Variants in ZBTB7B observed in about 807,000 individuals in gnomAD.
ZBTB7B encodes the protein zinc finger and BTB domain-containing protein 7B.
A neutral mutation model predicts 31.0 loss-of-function variants in ZBTB7B; 8 were observed. The observed-to-expected ratio is 0.26, with a 90% confidence interval of 0.15 to 0.47. The LOEUF is 0.47. Among genes scored for constraint, ZBTB7B ranks in the 20% least tolerant of loss-of-function variants. The pLI, the probability that ZBTB7B is intolerant of heterozygous loss-of-function variation, is 0.99. For missense variants in ZBTB7B, 494 were observed against 742.4 expected (o/e 0.67, Z 3.89); for synonymous variants, 261 against 307.3 (o/e 0.85, Z 1.58).
In ZBTB7B at chr1:155,003,893, G is replaced by GGGGC. The variant is rs1658398207; in HGVS notation, c.-7+954_-7+957dup. Reference sequence around the variant, plus strand: ...GACGTGTCCCGGCCAGAGCGAGGTGGGGGCGGGAGTGGGGGGGCGGCGTGG... The same window carrying GGGGC: ...GACGTGTCCCGGCCAGAGCGAGGTGGGGGCGGGCGGGAGTGGGGGGGCGGCGTGG... On this transcript the variant is annotated intron_variant, in intron 1 of 2. Transcript: ENST00000535420. This position sits in a 1 kb window ranked among gnomAD's most constrained non-coding sequence, Gnocchi z 5.8. Among the ~76,000 whole-genome samples, 1 of 152,184 alleles carries GGGGC rather than the reference G, an allele frequency of 6.6e-6. No individual in the cohort carries two copies. The highest frequency in any genetic ancestry group is 6.5e-5 in the Admixed American group (1 of 15,280).
chr1:155,002,640 G>A (rs1467310435), upstream of ZBTB7B: 6 of 108,132 alleles, frequency 5.5e-5, no homozygotes, highest in African/African-American at 2.2e-4. Flanking sequence ...AGGGAGGGGA[G>A]GGATGGGGGG....
intron 1 of ZBTB7B, among the ~76,000 whole-genome samples, chr1:155,013,438 A>C (rs1256662719): frequency 6.6e-6 from 1 of 152,202 alleles, no homozygotes; most frequent in Non-Finnish European, 1.5e-5. Context: ...AGCTGAGGAA[A>C]TGGAAGCACA....
rs966475107 is a variant in ZBTB7B, at chr1:155,018,292, C to T, written c.*1607C>T. Reference sequence around the variant, plus strand: ...TGGGGTGGCGGGGAGATCGGGTTGTCCTGGGCCTCATCTTAGCATTTCAGG... The same window carrying T: ...TGGGGTGGCGGGGAGATCGGGTTGTTCTGGGCCTCATCTTAGCATTTCAGG... On this transcript the variant is annotated 3_prime_UTR_variant, in exon 3 of 3. Coordinates refer to ENST00000535420, the MANE Select transcript of ZBTB7B (RefSeq NM_001256455.2). 1.8e-6 allele frequency: 1 copy of T among 544,772 alleles called. No homozygotes were observed. The highest frequency in any genetic ancestry group is 1.9e-5 in the African/African-American group (1 of 52,858). 33.7% of individuals were successfully genotyped at this position (544,772 alleles called of 1,614,324 possible). A position where few individuals can be genotyped will look rare whatever the true frequency, so the allele number is the denominator to read the frequency against.
Position 155,014,735 on chromosome 1 carries a change from T to C in ZBTB7B, c.75T>C (p.Asn25=), listed in dbSNP as rs1159224420. The C allele has an allele frequency of 6.2e-7, 1 of 1,614,086 alleles. No homozygotes were observed. The highest frequency in any genetic ancestry group is 1.7e-5 in the Admixed American group (1 of 60,012). The change falls in exon 2 of 3, where the codon AAT becomes AAC. Residue 25 remains asparagine, a synonymous_variant. Coordinates refer to ENST00000535420, the MANE Select transcript of ZBTB7B (RefSeq NM_001256455.2). ...DHSSELLSCL[N]EQRQLGHLCD... is the part of the protein sequence containing the mutation. Reference sequence around the variant, plus strand: ...GCAGTGAGCTCCTGAGCTGCCTCAATGAGCAGCGCCAGCTGGGCCACCTAT... The same window carrying C: ...GCAGTGAGCTCCTGAGCTGCCTCAACGAGCAGCGCCAGCTGGGCCACCTAT...
chr1:155,015,475 C>A lies in ZBTB7B; in HGVS notation c.815C>A (p.Pro272His), dbSNP rs144489175. 6 of 1,608,616 alleles carry A rather than the reference C, an allele frequency of 3.7e-6. No individual in the cohort carries two copies. The highest frequency in any genetic ancestry group is 4.2e-6 in the Non-Finnish European group (5 of 1,176,562). The change falls in exon 2 of 3, where the codon CCC becomes CAC. Residue 272 changes from proline to histidine, a missense_variant. Transcript: ENST00000535420. ...CCTGAGGGTCCCCAGAGCTACGAAC[C>A]CTATGAGGGTGAGGAAGAAGAAGAG... The part of the protein sequence containing the change: ...SPPEGPQSYE[P>H]YEGEEEEEEL...
rs1658393356 is a variant in ZBTB7B, at chr1:155,003,821, T to C, written c.-7+878T>C. 6.6e-6 allele frequency among the ~76,000 whole-genome samples: 1 copy of C among 152,092 alleles called. No individual in the cohort carries two copies. Among genetic ancestry groups the C allele is most frequent in the African/African-American group, 2.4e-5 (1 of 41,436 alleles). ...AAGGGGTGGGGGGCGCTGCTTTCAA[T>C]TTCCAGCTTTCTCTCCCTCCTCCCA... On this transcript the variant is annotated intron_variant, in intron 1 of 2. Coordinates refer to ENST00000535420, the MANE Select transcript of ZBTB7B (RefSeq NM_001256455.2). This position sits in a 1 kb window ranked among gnomAD's most constrained non-coding sequence, Gnocchi z 5.8.
At chr1:155,014,626 C>T in intron 1 of ZBTB7B, 29 bp from the exon 2 acceptor site, 3 of 1,588,554 alleles carry the variant, frequency 1.9e-6, no homozygotes, top group Non-Finnish European at 2.6e-6. Context: ...GCTGAGCGCT[C>T]TTAATCTCCC....
rs370466315 is a variant in ZBTB7B at position 155,014,702 on chromosome 1, G to A, written c.42G>A (p.Pro14=). 5.6e-6 allele frequency: 9 copies of A among 1,613,914 alleles called. No homozygotes were observed. The highest frequency in any genetic ancestry group is 6.8e-6 in the Non-Finnish European group (8 of 1,179,940). The change falls in exon 2 of 3, where the codon CCG becomes CCA. Residue 14 remains proline (P), a synonymous_variant. Coordinates refer to ENST00000535420, the MANE Select transcript of ZBTB7B (RefSeq NM_001256455.2). Reference sequence around the variant, plus strand: ...ATGACCTGATTGGGATTCCATTCCCGGACCACAGCAGTGAGCTCCTGAGCT... The same window carrying A: ...ATGACCTGATTGGGATTCCATTCCCAGACCACAGCAGTGAGCTCCTGAGCT... ...PEDDLIGIPF[P]DHSSELLSCL...
intron 1 of ZBTB7B, chr1:155,010,876 C>A: frequency 6.6e-7 from 1 of 1,508,638 alleles, no homozygotes; most frequent in Non-Finnish European, 8.9e-7. Context: ...GCACCAGGAG[C>A]GTTGGGAAGA....
At chr1:155,012,614 C>T (rs920117070) in intron 1 of ZBTB7B, among the ~76,000 whole-genome samples, 1 of 152,018 alleles carries the variant, frequency 6.6e-6, no homozygotes, top group Admixed American at 6.6e-5. Flanking sequence ...ACGGTGGGAA[C>T]AGGTGAGCTA....
intron 1 of ZBTB7B, among the ~76,000 whole-genome samples, chr1:155,008,795 G>T (rs1479959640): frequency 1.3e-5 from 2 of 152,148 alleles, no homozygotes; most frequent in Non-Finnish European, 2.9e-5. Context: ...GGGGGGAGGG[G>T]GGACAGCACC....
intron 1 of ZBTB7B, among the ~76,000 whole-genome samples, chr1:155,008,931 C>A (rs574121444): frequency 3.9e-5 from 6 of 152,254 alleles, no homozygotes; most frequent in African/African-American, 1.4e-4. Flanking sequence ...CCACCTGTCC[C>A]AACCTGCTGC....
chr1:155,014,613 TG>T (rs1659222252), intron 1 of ZBTB7B, 41 bp from the exon 2 acceptor site: 1 of 1,565,316 alleles, frequency 6.4e-7, no homozygotes. Flanking sequence ...CAGACCCCTG[TG>T]GGCTGAGCGC....
At position 155,010,876 on chromosome 1, in the gene ZBTB7B, C is replaced by T. The variant is rs891433418; in HGVS notation, c.-6-3779C>T. ...GGGTGGCCAGCCAAGGCACCAGGAG[C>T]GTTGGGAAGAGCCTCAGGTCTCTCC... On this transcript the variant is annotated intron_variant, in intron 1 of 2. Transcript: ENST00000535420. The T allele has an allele frequency of 2.8e-5, 42 of 1,508,638 alleles. No individual in the cohort carries two copies. The East Asian group carries it at 5.9e-4, about 21-fold the overall frequency. 93.5% of individuals were successfully genotyped at this position (1,508,638 alleles called of 1,614,324 possible).
intron 1 of ZBTB7B, chr1:155,010,802 A>C: frequency 1.2e-6 from 1 of 829,246 alleles, no homozygotes; most frequent in Non-Finnish European, 1.9e-6. Flanking sequence ...CTGAGGCTGG[A>C]GTTGGGGTGG....
chr1:155,009,209 G>C (rs1199751427), intron 1 of ZBTB7B, among the ~76,000 whole-genome samples: 1 of 152,044 alleles, frequency 6.6e-6, no homozygotes, highest in Non-Finnish European at 1.5e-5. Context: ...GGCCTATAGG[G>C]ACTGAGTGAT....
Position 155,003,214 on chromosome 1 carries a change from C to G in ZBTB7B, c.-7+271C>G, listed in dbSNP as rs1186413615. The stretch of plus-strand genomic sequence containing the variant: ...TATCTGCACTTCTCCTGGGATCAGA[C>G]AGACAGACGGCTTCGGGATGGAGAG... On this transcript the variant is annotated intron_variant, in intron 1 of 2. Transcript: ENST00000535420. This position sits in a 1 kb window ranked among gnomAD's most constrained non-coding sequence, Gnocchi z 5.8. Among the ~76,000 whole-genome samples the G allele has an allele frequency of 6.6e-6, 1 of 152,210 alleles. No individual in the cohort carries two copies. The highest frequency in any genetic ancestry group is 1.5e-5 in the Non-Finnish European group (1 of 68,040).
chr1:155,014,571 A>G, intron 1 of ZBTB7B, 84 bp from the exon 2 acceptor site: 3 of 1,282,776 alleles, frequency 2.3e-6, no homozygotes, highest in South Asian at 1.4e-5. Context: ...TCATCCCTCA[A>G]TAAGTATTGG....
chr1:155,014,854 A>G lies in ZBTB7B; in HGVS notation c.194A>G (p.Glu65Gly), dbSNP rs1355496513. 1 of 1,614,128 alleles carries G rather than the reference A, an allele frequency of 6.2e-7. No individual in the cohort carries two copies. The highest frequency in any genetic ancestry group is 8.5e-7 in the Non-Finnish European group (1 of 1,180,010). ...CSHYFKKLFT[E>G]GGGGAVMGAG... The stretch of plus-strand genomic sequence containing the variant: ...CACTACTTCAAGAAGCTTTTCACTG[A>G]GGGCGGTGGCGGAGCTGTCATGGGG... The change falls in exon 2 of 3, where the codon GAG becomes GGG. Residue 65 changes from glutamate (E) to glycine (G), a missense_variant. Glu to Gly is a moderately conservative substitution (Grantham distance 98, BLOSUM62 -2). This residue lies in a region of ZBTB7B where 90 missense variants were observed against 143.2 expected (regional missense o/e 0.63). Coordinates refer to ENST00000535420, the MANE Select transcript of ZBTB7B (RefSeq NM_001256455.2).
Sources: allele counts gnomAD v4.1 joint callset (sites outside exome capture counted in the v4.1 genomes callset), GRCh38; gene constraint gnomAD v4.1.1; regional missense constraint gnomAD v4.1.1; non-coding constraint Gnocchi (gnomAD v3.1); transcripts MANE v1.5; gene names NCBI Gene and HGNC (gene_info 2026-07-23, HGNC 2026-07-21).